Variants in TAS2R1 observed in about 807,000 individuals in gnomAD.
The protein encoded by TAS2R1 is taste 2 receptor member 1.
For synonymous variants in TAS2R1, 141 were observed against 134.2 expected (o/e 1.05, Z -0.35); for missense variants, 370 against 353.4 (o/e 1.05, Z -0.38).
intron 2 of TAS2R1, among the ~76,000 whole-genome samples, chr5:9,643,242 T>C (rs989680364): frequency 6.6e-6 from 1 of 152,188 alleles, no homozygotes; most frequent in Non-Finnish European, 1.5e-5. Context: ...CAAACCTAGA[T>C]GGTATAGCCT....
chr5:9,763,771 C>A, the TAS2R1 span, among the ~76,000 whole-genome samples: 3 of 152,206 alleles, frequency 2.0e-5, no homozygotes, highest in African/African-American at 7.2e-5. Context: ...GACATCAAAA[C>A]CCCGGGATGG....
chr5:9,852,147 AT>A, the TAS2R1 span, among the ~76,000 whole-genome samples: 2 of 152,206 alleles, frequency 1.3e-5, no homozygotes, highest in Admixed American at 1.3e-4. Context: ...GAATTACTTT[AT>A]TTTTAATGAA....
At chr5:9,641,618 G>A (rs992891111) in intron 2 of TAS2R1, 8 of 152,254 alleles carry the variant, frequency 5.3e-5, no homozygotes, top group Non-Finnish European at 8.8e-5. Context: ...GTGCTGGGGT[G>A]AAGACCCCCA....
the TAS2R1 span, among the ~76,000 whole-genome samples, chr5:9,836,718 AAGCAAAT>A: frequency 3.3e-5 from 5 of 152,344 alleles, no homozygotes; most frequent in Non-Finnish European, 7.3e-5. Flanking sequence ...CCGTTCCATA[AAGCAAAT>A]AGCAAAACCA....
At chr5:9,752,818 G>T in the TAS2R1 span, among the ~76,000 whole-genome samples, 1 of 151,254 alleles carries the variant, frequency 6.6e-6, no homozygotes, top group Non-Finnish European at 1.5e-5. Flanking sequence ...TTCTCCTTGT[G>T]ATAGTTTGCT....
chr5:9,892,668 A>T, the TAS2R1 span, among the ~76,000 whole-genome samples: 1 of 151,046 alleles, frequency 6.6e-6, no homozygotes, highest in East Asian at 1.9e-4. Context: ...CCTGCACTTG[A>T]CCCCCCTCCA....
intron 2 of TAS2R1, among the ~76,000 whole-genome samples, chr5:9,638,909 C>T (rs958523632): frequency 1.2e-4 from 19 of 152,100 alleles, no homozygotes; most frequent in African/African-American, 4.3e-4. Flanking sequence ...TGGGGGATAG[C>T]CAGTAGCAAG....
the TAS2R1 span, among the ~76,000 whole-genome samples, chr5:9,815,134 A>G: frequency 6.6e-6 from 1 of 152,258 alleles, no homozygotes; most frequent in African/African-American, 2.4e-5. Context: ...CCCTTAAAGG[A>G]GTAGAAAAGG....
chr5:9,653,030 T>C (rs1251612534), intron 2 of TAS2R1, among the ~76,000 whole-genome samples: 1 of 152,148 alleles, frequency 6.6e-6, no homozygotes, highest in Admixed American at 6.5e-5. Context: ...CATCAAACAA[T>C]AACTCACCAT....
the TAS2R1 span, among the ~76,000 whole-genome samples, chr5:9,899,461 A>T: frequency 6.6e-6 from 1 of 152,062 alleles, no homozygotes; most frequent in Non-Finnish European, 1.5e-5. Context: ...ATATGGTGAA[A>T]CCCCATCTCT....
the TAS2R1 span, among the ~76,000 whole-genome samples, chr5:9,842,588 GC>G: frequency 1.3e-5 from 2 of 152,092 alleles, no homozygotes; most frequent in Non-Finnish European, 2.9e-5. Flanking sequence ...CTCCCAAAGA[GC>G]TGGGATTACA....
the TAS2R1 span, among the ~76,000 whole-genome samples, chr5:9,729,111 C>T: frequency 2.0e-5 from 3 of 152,334 alleles, no homozygotes; most frequent in African/African-American, 7.2e-5. Flanking sequence ...AAAACTCATA[C>T]TCAGAGGTTA....
chr5:9,738,660 G>A, the TAS2R1 span, among the ~76,000 whole-genome samples: 1 of 152,078 alleles, frequency 6.6e-6, no homozygotes, highest in Non-Finnish European at 1.5e-5. Flanking sequence ...TCATGCTACG[G>A]TAGTGATGGG....
chr5:9,712,305 G>A (rs549362572), upstream of TAS2R1: 1 of 152,190 alleles, frequency 6.6e-6, no homozygotes, highest in Non-Finnish European at 1.5e-5. Context: ...TTTGTGACAT[G>A]TCTCCCACTG....
upstream of TAS2R1, among the ~76,000 whole-genome samples, chr5:9,631,141 T>C (rs1011057827): frequency 6.6e-6 from 1 of 152,178 alleles, no homozygotes; most frequent in Non-Finnish European, 1.5e-5. Flanking sequence ...GCAGAACCAC[T>C]ATGACGGGAC....
chr5:9,863,779 A>G, the TAS2R1 span, among the ~76,000 whole-genome samples: 1 of 152,192 alleles, frequency 6.6e-6, no homozygotes, highest in Non-Finnish European at 1.5e-5. Flanking sequence ...AATCTTTTGT[A>G]TTGGCATCAT....
chr5:9,788,779 C>T, the TAS2R1 span, among the ~76,000 whole-genome samples: 46 of 152,038 alleles, frequency 3.0e-4, no homozygotes, highest in Non-Finnish European at 5.6e-4. Context: ...GAAAAGAATA[C>T]AGAGTGGAGG....
At chr5:9,896,159 C>A in the TAS2R1 span, among the ~76,000 whole-genome samples, 1 of 152,188 alleles carries the variant, frequency 6.6e-6, no homozygotes, top group Non-Finnish European at 1.5e-5. Context: ...TTGGGTCTAG[C>A]CACCAAGGTG....
the TAS2R1 span, among the ~76,000 whole-genome samples, chr5:9,844,276 T>C: frequency 2.0e-5 from 3 of 152,170 alleles, no homozygotes; most frequent in African/African-American, 4.8e-5. Flanking sequence ...CCATTGCTAA[T>C]AGGAAAAAAA....
Sources: allele counts gnomAD v4.1 joint callset (sites outside exome capture counted in the v4.1 genomes callset), GRCh38; gene constraint gnomAD v4.1.1; transcripts MANE v1.5; gene names NCBI Gene and HGNC (gene_info 2026-07-23, HGNC 2026-07-21).